CDH12: variants seen among roughly 807,000 people sequenced by gnomAD.
CDH12 encodes the protein cadherin 12, also known as cadherin-12.
A neutral mutation model predicts 74.1 loss-of-function variants in CDH12; 41 were observed. That is an observed-to-expected ratio of 0.55 (90% CI 0.43 to 0.72). The LOEUF is 0.72. Among genes scored for constraint, CDH12 ranks in the 30% least tolerant of loss-of-function variants. The pLI is 0.00. For missense variants in CDH12, 945 were observed against 977.2 expected, an observed-to-expected ratio of 0.97 and a Z score of 0.44; for synonymous variants, 399 against 355.0, an observed-to-expected ratio of 1.12 and a Z score of -1.39.
intron 1 of CDH12, among the ~76,000 whole-genome samples, chr5:22,727,757 C>T (rs1033448848): frequency 2.2e-4 from 33 of 151,634 alleles, no homozygotes; most frequent in Non-Finnish European, 1.8e-4. Flanking sequence ...TATTTCATCA[C>T]ATTGAAGATG....
At chr5:22,671,827 T>C (rs1740913529) in intron 1 of CDH12, among the ~76,000 whole-genome samples, 1 of 151,070 alleles carries the variant, frequency 6.6e-6, no homozygotes, top group South Asian at 2.1e-4. Context: ...ATTACACAAC[T>C]TTATTACTTT....
intron 5 of CDH12, among the ~76,000 whole-genome samples, chr5:22,032,092 T>C (rs892816120): frequency 6.6e-6 from 1 of 151,672 alleles, no homozygotes; most frequent in Non-Finnish European, 1.5e-5. Flanking sequence ...GACAATATTA[T>C]AAATAGAAAT....
intron 5 of CDH12, among the ~76,000 whole-genome samples, chr5:22,059,808 A>G (rs1042586477): frequency 2.6e-5 from 4 of 152,190 alleles, no homozygotes; most frequent in Non-Finnish European, 5.9e-5. Context: ...TTATTACTGT[A>G]AATTACTCTT....
intron 7 of CDH12, among the ~76,000 whole-genome samples, chr5:21,846,403 A>G (rs369136679): frequency 7.4e-6 from 1 of 134,320 alleles, no homozygotes; most frequent in Non-Finnish European, 1.6e-5. Context: ...TGATTTCCTC[A>G]GCATGGGAAA....
At chr5:22,105,790 T>C (rs536232483) in intron 4 of CDH12, among the ~76,000 whole-genome samples, 1 of 152,158 alleles carries the variant, frequency 6.6e-6, no homozygotes, top group East Asian at 1.9e-4. Context: ...CTTAATAACC[T>C]CAGTTTGACT....
intron 6 of CDH12, among the ~76,000 whole-genome samples, chr5:21,921,181 A>C (rs1424755298): frequency 6.6e-6 from 1 of 152,238 alleles, no homozygotes; most frequent in Admixed American, 6.5e-5. Context: ...GACACAAGTC[A>C]TGATGTTGCC....
chr5:22,119,236 T>C (rs1580279898), intron 4 of CDH12, among the ~76,000 whole-genome samples: 1 of 151,874 alleles, frequency 6.6e-6, no homozygotes, highest in East Asian at 1.9e-4. Context: ...ATGTACCCAG[T>C]ATTGCTAAAG....
chr5:22,055,228 C>T (rs1167958583), intron 5 of CDH12, among the ~76,000 whole-genome samples: 7 of 152,140 alleles, frequency 4.6e-5, no homozygotes, highest in Admixed American at 3.3e-4. Context: ...TCTGCAGAGG[C>T]AGCTGCAAAG....
chr5:21,942,347 T>TATACACACACAC, intron 6 of CDH12, among the ~76,000 whole-genome samples: 1 of 129,676 alleles, frequency 7.7e-6, no homozygotes, highest in African/African-American at 3.2e-5. Flanking sequence ...TATATATATA[T>TATACACACACAC]ACACACACAC....
intron 10 of CDH12, among the ~76,000 whole-genome samples, chr5:21,789,034 T>C (rs953627234): frequency 6.6e-6 from 1 of 152,056 alleles, no homozygotes; most frequent in Admixed American, 6.6e-5. Flanking sequence ...ATTTTTATTA[T>C]ATAATTTATT....
chr5:22,831,405 T>A (rs1736605860), intron 1 of CDH12, among the ~76,000 whole-genome samples: 1 of 139,828 alleles, frequency 7.2e-6, no homozygotes, highest in Admixed American at 7.2e-5. Flanking sequence ...GTATTTCAAA[T>A]GAGCCTGGAA....
intron 1 of CDH12, among the ~76,000 whole-genome samples, chr5:22,643,335 A>T (rs1739250020): frequency 6.6e-6 from 1 of 152,286 alleles, no homozygotes; most frequent in South Asian, 2.1e-4. Context: ...AGCTCCTGAA[A>T]TTTGTGTGAT....
At chr5:22,252,472 G>A (rs1433582917) in intron 3 of CDH12, among the ~76,000 whole-genome samples, 1 of 151,386 alleles carries the variant, frequency 6.6e-6, no homozygotes, top group Non-Finnish European at 1.5e-5. Flanking sequence ...CAGATTTTTT[G>A]TTCTTTATTT....
chr5:22,463,378 C>A (rs990707071), intron 2 of CDH12, among the ~76,000 whole-genome samples: 7 of 152,016 alleles, frequency 4.6e-5, no homozygotes, highest in African/African-American at 1.4e-4. Context: ...TAAATATAGT[C>A]ATAGTTTTAC....
Position 21,890,303 on chromosome 5 carries a change from GA to G in CDH12, c.527-35514del, listed in dbSNP as rs532537087. Among the ~76,000 whole-genome samples, 45 of 152,094 alleles carry G rather than the reference GA, an allele frequency of 3.0e-4. 1 individual carries two copies. The highest frequency in any genetic ancestry group is 5.4e-4 in the Non-Finnish European group (37 of 67,944). On this transcript the variant is annotated intron_variant, in intron 6 of 14. Transcript: ENST00000382254. ...ATGGTTGCTTAAAAAACAGCATATT[GA>G]ACGAATGAAACTCTTAAATCTTTCT...
intron 2 of CDH12, among the ~76,000 whole-genome samples, chr5:22,469,895 G>A (rs1424475): frequency 0.42 from 64,480 of 151,728 alleles, 14,107 homozygotes; most frequent in Admixed American, 0.61. Context: ...TTTCCTGCCA[G>A]AACTTCAGGA....
chr5:22,405,413 A>C, intron 2 of CDH12, 62 bp from the exon 3 acceptor site: 1 of 305,138 alleles, frequency 3.3e-6, no homozygotes, highest in African/African-American at 2.3e-5. Context: ...TCTGTGCATC[A>C]TTAATTCAGC....
chr5:21,944,292 G>A (rs186694267), intron 6 of CDH12, among the ~76,000 whole-genome samples: 261 of 152,178 alleles, frequency 1.7e-3, no homozygotes, highest in African/African-American at 6.1e-3. Flanking sequence ...TGTGAACCCC[G>A]AGTTTAATCA....
chr5:22,845,565 G>A (rs1176954572), intron 1 of CDH12, among the ~76,000 whole-genome samples: 1 of 152,276 alleles, frequency 6.6e-6, no homozygotes, highest in East Asian at 1.9e-4. Flanking sequence ...CATATGATAT[G>A]AAGTAGGTCC....
Sources: allele counts gnomAD v4.1 joint callset (sites outside exome capture counted in the v4.1 genomes callset), GRCh38; gene constraint gnomAD v4.1.1; transcripts MANE v1.5; gene names NCBI Gene and HGNC (gene_info 2026-07-23, HGNC 2026-07-21).